FBXW11: variants seen among roughly 807,000 people sequenced by gnomAD.
FBXW11 encodes the protein F-box/WD repeat-containing protein 11.
A neutral mutation model predicts 77.6 loss-of-function variants in FBXW11; 19 were observed. The ratio of observed to expected loss-of-function variants is 0.24; its 90% CI spans 0.17 to 0.36. The LOEUF (loss-of-function observed/expected upper bound fraction) is 0.36. Ranked by LOEUF, FBXW11 falls within the 10% of genes least tolerant of loss-of-function variation. The pLI, the probability that FBXW11 is intolerant of heterozygous loss-of-function variation, is 1.00. For missense variants in FBXW11, 334 were observed against 704.2 expected, an observed-to-expected ratio of 0.47 and a Z score of 5.95; for synonymous variants, 235 against 249.4, an observed-to-expected ratio of 0.94 and a Z score of 0.54.
chr5:171,965,186 T>A lies in FBXW11; in HGVS notation c.46-7488A>T, dbSNP rs189228759. ...TGCTTAAACACCACTATAATTTTTT[T>A]AATTAATGTCCAAACAATTTTCATC... is the stretch of plus-strand genomic sequence containing the variant. On this transcript the variant is annotated intron_variant, in intron 1 of 13. Transcript: ENST00000517395. Among the ~76,000 whole-genome samples the A allele has an allele frequency of 2.2e-4, 33 of 152,354 alleles. 1 individual carries two copies. Among genetic ancestry groups the A allele is most frequent in the Non-Finnish European group, 4.1e-4 (28 of 68,024 alleles).
At chr5:171,938,959 G>T (rs1222283965) in intron 2 of FBXW11, among the ~76,000 whole-genome samples, 1 of 152,208 alleles carries the variant, frequency 6.6e-6, no homozygotes, top group East Asian at 1.9e-4. Flanking sequence ...AGATAGGCCA[G>T]GCGCAGTGGC....
intron 7 of FBXW11, among the ~76,000 whole-genome samples, chr5:171,882,266 G>A (rs1308579925): frequency 2.0e-5 from 3 of 152,016 alleles, no homozygotes; most frequent in Non-Finnish European, 2.9e-5. Flanking sequence ...TTTTCATTTA[G>A]TTACACCCAC....
In FBXW11 at chr5:171,870,728, T is replaced by C. The variant is rs1235817252; in HGVS notation, c.1451+20A>G. On this transcript the variant is annotated intron_variant, in intron 11 of 13. Coordinates refer to ENST00000517395, the MANE Select transcript of FBXW11 (RefSeq NM_001378974.1). ...CTTGATACAGTTATAGCAGTACATC[T>C]GAAAATCTGAAAGACATACCCATCA... 1.3e-6 allele frequency: 2 copies of C among 1,546,356 alleles called. No individual in the cohort carries two copies. The highest frequency in any genetic ancestry group is 1.8e-6 in the Non-Finnish European group (2 of 1,118,732).
At chr5:171,874,067 A>C (rs1186442941) in intron 9 of FBXW11, among the ~76,000 whole-genome samples, 1 of 152,228 alleles carries the variant, frequency 6.6e-6, no homozygotes, top group Non-Finnish European at 1.5e-5. Context: ...ACCATCAAAA[A>C]AGTGAAAAGA....
At chr5:171,881,720 G>C (rs952176027) in intron 7 of FBXW11, among the ~76,000 whole-genome samples, 2 of 152,096 alleles carry the variant, frequency 1.3e-5, no homozygotes, top group Non-Finnish European at 2.9e-5. Flanking sequence ...GTGCTGTTTT[G>C]GAAAGTAATT....
At chr5:171,995,524 T>G (rs1300280237) in intron 1 of FBXW11, among the ~76,000 whole-genome samples, 4 of 151,882 alleles carry the variant, frequency 2.6e-5, no homozygotes, top group Non-Finnish European at 4.4e-5. Flanking sequence ...GAGGCTGAGG[T>G]GGGCGGATCA....
At chr5:171,997,039 T>C (rs1376038915) in intron 1 of FBXW11, 5 of 1,289,652 alleles carry the variant, frequency 3.9e-6, no homozygotes, top group Admixed American at 4.6e-5. Context: ...ATCCCAAACA[T>C]GCACTTCGGT....
intron 6 of FBXW11, among the ~76,000 whole-genome samples, chr5:171,893,701 A>G (rs1223842432): frequency 3.3e-5 from 5 of 152,208 alleles, no homozygotes; most frequent in Non-Finnish European, 7.3e-5. Flanking sequence ...TCTTGGCAGT[A>G]GTTACCAATG....
intron 7 of FBXW11, among the ~76,000 whole-genome samples, chr5:171,885,363 C>T: frequency 6.6e-6 from 1 of 152,172 alleles, no homozygotes; most frequent in South Asian, 2.1e-4. Flanking sequence ...ATTTCTCAGA[C>T]TTGTCCCACA....
intron 4 of FBXW11, 21 bp from the exon 5 acceptor site, chr5:171,900,121 T>C: frequency 6.3e-7 from 1 of 1,583,214 alleles, no homozygotes; most frequent in South Asian, 1.2e-5. Flanking sequence ...GAAAAGGGAA[T>C]GAAGGAACGG....
chr5:171,965,533 TAA>T (rs1421717392), intron 1 of FBXW11, among the ~76,000 whole-genome samples: 22 of 85,778 alleles, frequency 2.6e-4, no homozygotes, highest in Admixed American at 2.5e-4. Flanking sequence ...TCTTTAAAAA[TAA>T]AAAAAAAAAA....
intron 4 of FBXW11, chr5:171,908,856 G>T (rs898457110): frequency 6.6e-5 from 10 of 152,310 alleles, no homozygotes; most frequent in Non-Finnish European, 5.9e-5. Context: ...TTAGAACACG[G>T]AGTCCTGATG....
At chr5:171,996,642 G>A (rs780089214) in intron 1 of FBXW11, among the ~76,000 whole-genome samples, 5 of 152,174 alleles carry the variant, frequency 3.3e-5, no homozygotes, top group Admixed American at 2.0e-4. Context: ...CAGCCTGGGC[G>A]ACCTGATGTC....
chr5:171,952,438 TATATA>T lies in FBXW11; in HGVS notation c.147+5154_147+5158del, dbSNP rs1271484921. ...GTGTACATACATATATATATATATA[TATATA>T]TATATTTTTTTTTTTTTTTTTTTTT... On this transcript the variant is annotated intron_variant, in intron 2 of 13. Transcript: ENST00000517395. 4.2e-3 allele frequency among the ~76,000 whole-genome samples: 88 copies of T among 20,916 alleles called. 3 individuals carry two copies. Among genetic ancestry groups the T allele is most frequent in the Admixed American group, 0.014 (25 of 1,788 alleles). The allele number at this position is 20,916 out of a possible 152,430, so 13.7% of individuals were successfully genotyped here.
chr5:171,930,514 T>C (rs754338259), intron 2 of FBXW11, among the ~76,000 whole-genome samples: 5 of 152,124 alleles, frequency 3.3e-5, no homozygotes, highest in African/African-American at 9.7e-5. Flanking sequence ...ATTGTCTATG[T>C]AGAAAAACTG....
intron 4 of FBXW11, among the ~76,000 whole-genome samples, chr5:171,910,013 C>T (rs1279002516): frequency 6.6e-6 from 1 of 150,822 alleles, no homozygotes; most frequent in African/African-American, 2.4e-5. Flanking sequence ...ATATCATTAA[C>T]TCATTCAACA....
intron 1 of FBXW11, among the ~76,000 whole-genome samples, chr5:171,959,289 T>C (rs1763775632): frequency 6.6e-6 from 1 of 152,006 alleles, no homozygotes; most frequent in African/African-American, 2.4e-5. Flanking sequence ...CTCAACACTT[T>C]GCAGAGTACC....
intron 1 of FBXW11, 149 bp downstream of exon 1, chr5:172,006,309 G>A (rs1195283352): frequency 1.2e-5 from 7 of 605,366 alleles, no homozygotes; most frequent in Non-Finnish European, 1.8e-5. Flanking sequence ...GCCCGCGCCA[G>A]GTCCGAGGCC....
At chr5:171,927,856 A>G (rs1761972026) in intron 2 of FBXW11, among the ~76,000 whole-genome samples, 1 of 152,266 alleles carries the variant, frequency 6.6e-6, no homozygotes, top group South Asian at 2.1e-4. Flanking sequence ...GAGATCCAAA[A>G]GGATGGCTGA....
Sources: allele counts gnomAD v4.1 joint callset (sites outside exome capture counted in the v4.1 genomes callset), GRCh38; gene constraint gnomAD v4.1.1; transcripts MANE v1.5; gene names NCBI Gene and HGNC (gene_info 2026-07-23, HGNC 2026-07-21).